SERAC1: variants seen among roughly 807,000 people sequenced by gnomAD.
SERAC1 encodes protein SERAC1.
A neutral mutation model predicts 85.7 loss-of-function variants in SERAC1; 36 were observed. The ratio of observed to expected loss-of-function variants is 0.42; its 90% CI spans 0.32 to 0.55. The LOEUF (loss-of-function observed/expected upper bound fraction) is 0.55. Among genes scored for constraint, SERAC1 ranks in the 20% least tolerant of loss-of-function variants. SERAC1 has a pLI of 0.11. For missense variants in SERAC1, 629 were observed against 796.2 expected, an observed-to-expected ratio of 0.79 and a Z score of 2.53; for synonymous variants, 242 against 265.3, an observed-to-expected ratio of 0.91 and a Z score of 0.85.
chr6:158,165,810 T>C lies in SERAC1; in HGVS notation c.-2+2330A>G, dbSNP rs750844137. Among the ~76,000 whole-genome samples the C allele has an allele frequency of 1.6e-4, 24 of 152,114 alleles. 1 individual carries two copies. The highest frequency in any genetic ancestry group is 4.6e-4 in the Admixed American group (7 of 15,270). On this transcript the variant is annotated intron_variant, in intron 1 of 16. Transcript: ENST00000647468. ...CCATCAAAACATACCCCCAAATCCA[T>C]CCATTTTTCTCTGTATTCACTGCTA...
chr6:158,116,209 C>T lies in SERAC1; in HGVS notation c.1477G>A (p.Val493Ile). 1.9e-6 allele frequency: 3 copies of T among 1,614,130 alleles called. No individual in the cohort carries two copies. The highest frequency in any genetic ancestry group is 2.5e-6 in the Non-Finnish European group (3 of 1,179,964). Residue 493 changes from valine (V) to isoleucine (I), a missense_variant, in exon 14 of 17, where the codon GTT (valine) becomes ATT (isoleucine). Physicochemically the swap from Val to Ile is conservative, Grantham distance 29 (BLOSUM62 3). Transcript: ENST00000647468. ...CCTCCCATGCTATGTGATATCCAAA[C>T]CACTGGCCTATCCCCAACACCAGCA... The part of the protein sequence containing the change: ...RAAGVGDRPV[V>I]WISHSMGGLL...
chr6:158,126,683 G>C (rs923170319), intron 10 of SERAC1, among the ~76,000 whole-genome samples: 5 of 152,042 alleles, frequency 3.3e-5, no homozygotes, highest in Admixed American at 2.6e-4. Flanking sequence ...CCCCACAGCT[G>C]GTTTATTACT....
At chr6:158,122,789 G>GA (rs1248705818) in intron 10 of SERAC1, among the ~76,000 whole-genome samples, 1 of 152,092 alleles carries the variant, frequency 6.6e-6, no homozygotes, top group Non-Finnish European at 1.5e-5. Context: ...CAAAGAAAAA[G>GA]AAAAATGTAG....
Position 158,117,484 on chromosome 6 carries a change from G to C in SERAC1, c.1403+243C>G, listed in dbSNP as rs1427548671. 2 of 1,544,864 alleles carry C rather than the reference G, an allele frequency of 1.3e-6. No homozygotes were observed. Among genetic ancestry groups the C allele is most frequent in the East Asian group, 2.4e-5 (1 of 40,884 alleles). On this transcript the variant is annotated intron_variant, in intron 13 of 16. Coordinates refer to ENST00000647468, the MANE Select transcript of SERAC1 (RefSeq NM_032861.4). The surrounding 1 kb of genome is among the most constrained non-coding windows in gnomAD (Gnocchi z 4.3). ...GACAATCCACGATCCTTCACTATTAGAACAGTTGTAAATAAACCATGTTAG... is the reference window on the plus strand; with the variant it reads ...GACAATCCACGATCCTTCACTATTACAACAGTTGTAAATAAACCATGTTAG...
intron 6 of SERAC1, 140 bp from the exon 7 acceptor site, chr6:158,144,560 C>G: frequency 1.4e-6 from 1 of 707,572 alleles, no homozygotes; most frequent in South Asian, 2.3e-5. Context: ...CCAAGTGCAA[C>G]TACATTTACA....
intron 4 of SERAC1, among the ~76,000 whole-genome samples, chr6:158,149,492 A>G (rs1475757491): frequency 6.6e-6 from 1 of 152,228 alleles, no homozygotes; most frequent in African/African-American, 2.4e-5. Flanking sequence ...AAAAACAAAA[A>G]CACTAACTAC....
At chr6:158,133,621 G>A (rs1380945080) in intron 8 of SERAC1, among the ~76,000 whole-genome samples, 3 of 151,966 alleles carry the variant, frequency 2.0e-5, no homozygotes, top group African/African-American at 2.4e-5. Flanking sequence ...TCCTGACCTC[G>A]TGATCCGCCC....
intron 12 of SERAC1, 99 bp downstream of exon 12, chr6:158,118,930 A>G (rs1339551498): frequency 1.5e-5 from 21 of 1,436,358 alleles, no homozygotes; most frequent in Non-Finnish European, 1.5e-5. Flanking sequence ...ACTGCATGGG[A>G]AAAAAATCCC....
At position 158,149,222 on chromosome 6, in the gene SERAC1, G is replaced by A. The variant is rs6922616; in HGVS notation, c.266-268C>T. Among the ~76,000 whole-genome samples the A allele has an allele frequency of 0.031, 4,688 of 152,166 alleles. 225 individuals carry two copies. Among genetic ancestry groups the A allele is most frequent in the African/African-American group, 0.11 (4,414 of 41,510 alleles). ...TTAGCCAGGATGGTCTTGATCTCCT[G>A]ACCTCATGATCCGCCCTCCTCGGCC... On this transcript the variant is annotated intron_variant, in intron 4 of 16. Transcript: ENST00000647468.
Position 158,117,316 on chromosome 6 carries a change from T to TG in SERAC1, c.1403+410_1403+411insC. 1 of 591,596 alleles carries TG rather than the reference T, an allele frequency of 1.7e-6. No homozygotes were observed. Among genetic ancestry groups the TG allele is most frequent in the Non-Finnish European group, 2.9e-6 (1 of 339,110 alleles). The allele number at this position is 591,596 out of a possible 1,614,324, so 36.6% of individuals were successfully genotyped here. ...GAAATCCAGCACTCCTTCCCATGTA[T>TG]ACAACTGGCACAGATGACATACAAG... On this transcript the variant is annotated intron_variant, in intron 13 of 16. Coordinates refer to ENST00000647468, the MANE Select transcript of SERAC1 (RefSeq NM_032861.4). The surrounding 1 kb of genome is among the most constrained non-coding windows in gnomAD (Gnocchi z 4.3).
chr6:158,127,209 T>C (rs184857953), intron 10 of SERAC1, among the ~76,000 whole-genome samples: 53 of 152,190 alleles, frequency 3.5e-4, no homozygotes, highest in Non-Finnish European at 4.9e-4. Flanking sequence ...GACCCATAAC[T>C]AACCCTAAGT....
At position 158,120,244 on chromosome 6, in the gene SERAC1, A is replaced by G. The variant is rs1364010871; in HGVS notation, c.1166+181T>C. ...CCATGACAATTTAGCTAGTTCACATACTTTTCATGACAACCTCCAATTCTT... is the reference window on the plus strand; with the variant it reads ...CCATGACAATTTAGCTAGTTCACATGCTTTTCATGACAACCTCCAATTCTT... On this transcript the variant is annotated intron_variant, in intron 11 of 16. Transcript: ENST00000647468. The surrounding 1 kb of genome is among the most constrained non-coding windows in gnomAD (Gnocchi z 4.4). Among the ~76,000 whole-genome samples the G allele has an allele frequency of 6.6e-6, 1 of 152,230 alleles. No homozygotes were observed. Among genetic ancestry groups the G allele is most frequent in the Non-Finnish European group, 1.5e-5 (1 of 68,044 alleles).
At chr6:158,132,778 G>T (rs192388468) in intron 8 of SERAC1, among the ~76,000 whole-genome samples, 1 of 152,084 alleles carries the variant, frequency 6.6e-6, no homozygotes, top group Non-Finnish European at 1.5e-5. Flanking sequence ...GAATACAAAG[G>T]AACAAACTCA....
In SERAC1 at chr6:158,119,904, T is replaced by C. The variant is rs533462747; in HGVS notation, c.1166+521A>G. ...GTCTTAGCAATTATACAACTAGATA[T>C]AATGACCACAAATAACCTTAAGAAG... On this transcript the variant is annotated intron_variant, in intron 11 of 16. Transcript: ENST00000647468. This position sits in a 1 kb window ranked among gnomAD's most constrained non-coding sequence, Gnocchi z 4.5. 6.6e-6 allele frequency among the ~76,000 whole-genome samples: 1 copy of C among 152,324 alleles called. No homozygotes were observed. The highest frequency in any genetic ancestry group is 1.5e-5 in the Non-Finnish European group (1 of 68,016).
chr6:158,141,977 ATTT>A (rs527270271), intron 8 of SERAC1, among the ~76,000 whole-genome samples: 1 of 146,676 alleles, frequency 6.8e-6, no homozygotes, highest in African/African-American at 2.5e-5. Context: ...TAAAACACTG[ATTT>A]TTTTTTTTTT....
At chr6:158,145,105 G>A (rs995794593) in intron 6 of SERAC1, among the ~76,000 whole-genome samples, 8 of 152,108 alleles carry the variant, frequency 5.3e-5, no homozygotes, top group Non-Finnish European at 8.8e-5. Flanking sequence ...TTAGCCAGGC[G>A]TGGTGGCAGG....
chr6:158,147,768 CAAA>C (rs71027383), intron 5 of SERAC1, among the ~76,000 whole-genome samples: 36 of 68,928 alleles, frequency 5.2e-4, no homozygotes, highest in African/African-American at 2.3e-3. Context: ...GGCTCTGTCT[CAAA>C]AAAAAAAAAA....
Position 158,117,766 on chromosome 6 carries a change from G to A in SERAC1, c.1364C>T (p.Thr455Ile), listed in dbSNP as rs767870142. 1.9e-6 allele frequency: 3 copies of A among 1,614,128 alleles called. No individual in the cohort carries two copies. Among genetic ancestry groups the A allele is most frequent in the Non-Finnish European group, 2.5e-6 (3 of 1,180,016 alleles). ...CCTTGCTCTCCAGTCGCTGAGGCTG[G>A]TGTCATACTCCACAGATATAATTCG... ...ALRIISVEYD[T>I]SLSDWRARCP... The change falls in exon 13 of 17, where the codon ACC becomes ATC. Residue 455 changes from threonine (T) to isoleucine (I), a missense_variant. Transcript: ENST00000647468. This position sits in a 1 kb window ranked among gnomAD's most constrained non-coding sequence, Gnocchi z 4.3.
At chr6:158,151,675 T>C (rs954749734) in intron 3 of SERAC1, among the ~76,000 whole-genome samples, 7 of 152,120 alleles carry the variant, frequency 4.6e-5, no homozygotes, top group African/African-American at 1.7e-4. Flanking sequence ...TCCACCCACC[T>C]CGGCCTCCCA....
Sources: allele counts gnomAD v4.1 joint callset (sites outside exome capture counted in the v4.1 genomes callset), GRCh38; gene constraint gnomAD v4.1.1; non-coding constraint Gnocchi (gnomAD v3.1); transcripts MANE v1.5; gene names NCBI Gene and HGNC (gene_info 2026-07-23, HGNC 2026-07-21).